The following STOX2 variants were observed in gnomAD, a reference collection of about 807,000 sequenced individuals.
The protein encoded by STOX2 is storkhead box 2, also known as storkhead-box protein 2.
A neutral mutation model predicts 60.9 loss-of-function variants in STOX2; 28 were observed. That is an observed-to-expected ratio of 0.46 (90% CI 0.34 to 0.63). The LOEUF (loss-of-function observed/expected upper bound fraction) is 0.63. STOX2 is among the 30% of genes least tolerant of loss of function. The pLI, the probability that STOX2 is intolerant of heterozygous loss-of-function variation, is 0.01. For synonymous variants in STOX2, 472 were observed against 463.9 expected, an observed-to-expected ratio of 1.02 and a Z score of -0.22; for missense variants, 1,024 against 1,187.7, an observed-to-expected ratio of 0.86 and a Z score of 2.03.
chr4:183,876,449 G>A (rs931939643), intron 1 of STOX2, among the ~76,000 whole-genome samples: 4 of 152,210 alleles, frequency 2.6e-5, no homozygotes, highest in Admixed American at 6.5e-5. Context: ...AGTGGATGAC[G>A]GATAGGCTTC....
intron 1 of STOX2, among the ~76,000 whole-genome samples, chr4:183,871,639 G>T (rs987878947): frequency 1.3e-5 from 2 of 152,040 alleles, no homozygotes; most frequent in African/African-American, 4.8e-5. Flanking sequence ...TTTTTTAAGG[G>T]AGCAAAACAT....
chr4:183,863,522 T>G (rs967732024), intron 1 of STOX2, among the ~76,000 whole-genome samples: 1 of 151,896 alleles, frequency 6.6e-6, no homozygotes, highest in African/African-American at 2.4e-5. Context: ...AGATTCAAAG[T>G]GTTGAAAATC....
At chr4:183,997,732 A>G (rs184175170) in intron 1 of STOX2, among the ~76,000 whole-genome samples, 207 of 152,312 alleles carry the variant, frequency 1.4e-3, no homozygotes, top group Non-Finnish European at 2.2e-3. Context: ...AAAGTAATAT[A>G]TCTTAGTGCA....
chr4:183,819,891 G>A (rs945872348), intron 1 of STOX2, among the ~76,000 whole-genome samples: 1 of 152,182 alleles, frequency 6.6e-6, no homozygotes, highest in African/African-American at 2.4e-5. Context: ...GTGAGGTTAT[G>A]CTCTTAAATA....
At chr4:183,896,335 G>T (rs913012883) in intron 1 of STOX2, among the ~76,000 whole-genome samples, 1 of 152,118 alleles carries the variant, frequency 6.6e-6, no homozygotes, top group Non-Finnish European at 1.5e-5. Flanking sequence ...GCTCCGTGTC[G>T]TCTTTTCCTT....
chr4:184,018,792 A>G lies in STOX2; in HGVS notation c.*1508A>G, dbSNP rs889961112. 6.6e-6 allele frequency: 1 copy of G among 152,212 alleles called. No individual in the cohort carries two copies. Among genetic ancestry groups the G allele is most frequent in the Non-Finnish European group, 1.5e-5 (1 of 68,034 alleles). 9.4% of individuals were successfully genotyped at this position (152,212 alleles called of 1,614,324 possible). A position where few individuals can be genotyped will look rare whatever the true frequency, so the allele number is the denominator to read the frequency against. On this transcript the variant is annotated 3_prime_UTR_variant, in exon 4 of 4. Transcript: ENST00000308497. ...CAACGTTCCCATGTTTTATTTTCTG[A>G]GAACAGTGGGACAGATCTGTAGTAA...
At chr4:184,007,001 G>T (rs1403995693) in intron 2 of STOX2, among the ~76,000 whole-genome samples, 2 of 105,572 alleles carry the variant, frequency 1.9e-5, no homozygotes, top group African/African-American at 8.0e-5. Flanking sequence ...GGGCGACAGA[G>T]CGAGACTCTG....
chr4:183,904,762 C>G (rs981353248), upstream of STOX2, among the ~76,000 whole-genome samples: 2 of 152,220 alleles, frequency 1.3e-5, no homozygotes, highest in Non-Finnish European at 2.9e-5. Flanking sequence ...CCATCCTGCT[C>G]TGCCTGGTTC....
At chr4:183,862,713 G>A (rs1459321476) in intron 1 of STOX2, among the ~76,000 whole-genome samples, 1 of 152,200 alleles carries the variant, frequency 6.6e-6, no homozygotes, top group Admixed American at 6.5e-5. Context: ...AGGCTTTGGG[G>A]GCAAATTGCG....
intron 1 of STOX2, among the ~76,000 whole-genome samples, chr4:183,908,600 T>G (rs968970944): frequency 1.6e-4 from 24 of 151,772 alleles, no homozygotes; most frequent in African/African-American, 4.6e-4. Context: ...CAGTTTTTTT[T>G]TTTTTTTTTT....
intron 1 of STOX2, among the ~76,000 whole-genome samples, chr4:183,973,959 G>A (rs574280814): frequency 6.6e-6 from 1 of 152,272 alleles, no homozygotes; most frequent in African/African-American, 2.4e-5. Context: ...GTGCCACTGC[G>A]CTCCAGCCTG....
Position 183,892,419 on chromosome 4 carries a change from T to C in STOX2, c.364+94364T>C, listed in dbSNP as rs562617125. 5.0e-3 allele frequency among the ~76,000 whole-genome samples: 750 copies of C among 150,984 alleles called. 7 individuals carry two copies. Among genetic ancestry groups the C allele is most frequent in the African/African-American group, 0.016 (625 of 40,314 alleles). ...TCAGCCTCCCGAGTAGCTGGGACTA[T>C]GGGCGCCCGCCACCACGCCCGGCTA... On this transcript the variant is annotated intron_variant, in intron 1 of 2. Transcript: ENST00000513034.
At chr4:183,965,564 C>T (rs577064961) in intron 1 of STOX2, among the ~76,000 whole-genome samples, 1 of 152,182 alleles carries the variant, frequency 6.6e-6, no homozygotes, top group East Asian at 1.9e-4. Context: ...TATCATCTGT[C>T]CTTATGTAAT....
At chr4:183,902,000 C>T (rs1396154239), upstream of STOX2, among the ~76,000 whole-genome samples, 2 of 152,078 alleles carry the variant, frequency 1.3e-5, no homozygotes, top group African/African-American at 4.8e-5. Flanking sequence ...ACTTGGTACA[C>T]TTGATTTTTA....
intron 1 of STOX2, among the ~76,000 whole-genome samples, chr4:183,972,831 T>C (rs919770676): frequency 2.6e-5 from 4 of 151,114 alleles, no homozygotes; most frequent in African/African-American, 9.9e-5. Flanking sequence ...GTGTCACAGA[T>C]GTTGGAATTA....
rs888042941 is a variant in STOX2 at position 184,007,576 on chromosome 4, A to T, written c.320-1582A>T. On this transcript the variant is annotated intron_variant, in intron 2 of 3. Transcript: ENST00000308497. ...AGTGAATGGAGGCTCAGAGAGGCTGAGCTGCCTAAGGTGGTACCAGCTGTC... is the reference window on the plus strand; with the variant it reads ...AGTGAATGGAGGCTCAGAGAGGCTGTGCTGCCTAAGGTGGTACCAGCTGTC... Among the ~76,000 whole-genome samples the T allele has an allele frequency of 3.3e-5, 5 of 152,204 alleles. No individual in the cohort carries two copies. In the South Asian group the frequency reaches 8.3e-4, roughly 25 times the overall value.
At chr4:183,875,150 A>G (rs1437814519) in intron 1 of STOX2, among the ~76,000 whole-genome samples, 1 of 151,144 alleles carries the variant, frequency 6.6e-6, no homozygotes, top group Non-Finnish European at 1.5e-5. Context: ...TCCCTGACCA[A>G]CATTTGTCTC....
rs751664428 is a variant in STOX2 at position 184,022,965 on chromosome 4, G to A, written c.*5681G>A. On this transcript the variant is annotated 3_prime_UTR_variant, in exon 4 of 4. Coordinates refer to ENST00000308497, the MANE Select transcript of STOX2 (RefSeq NM_020225.3). ...TTAGAGCAGTTGACACAGATACTAC[G>A]TTCTAGAAGAGAATTAAATTTAAAC... 6.6e-6 allele frequency: 1 copy of A among 152,160 alleles called. No individual in the cohort carries two copies. The highest frequency in any genetic ancestry group is 1.5e-5 in the Non-Finnish European group (1 of 68,034). The allele number at this position is 152,160 out of a possible 1,614,324, so 9.4% of individuals were successfully genotyped here.
chr4:183,958,563 C>T lies in STOX2; in HGVS notation c.167-42762C>T, dbSNP rs117062059. ...TCATGACTTATCTGCTTTCATCTTC[C>T]CTCTCATTCTCTTCTCCTTTTCTAT... On this transcript the variant is annotated intron_variant, in intron 1 of 3. Coordinates refer to ENST00000308497, the MANE Select transcript of STOX2 (RefSeq NM_020225.3). Among the ~76,000 whole-genome samples the T allele has an allele frequency of 8.0e-4, 122 of 152,210 alleles. 3 individuals carry two copies. The East Asian group carries it at 0.022, about 27-fold the overall frequency.
Sources: allele counts gnomAD v4.1 joint callset (sites outside exome capture counted in the v4.1 genomes callset), GRCh38; gene constraint gnomAD v4.1.1; transcripts MANE v1.5; gene names NCBI Gene and HGNC (gene_info 2026-07-23, HGNC 2026-07-21).